CLYBL: variants seen among roughly 807,000 people sequenced by gnomAD.
The protein encoded by CLYBL is citramalyl-CoA lyase, mitochondrial.
Under a neutral mutation model 38.9 loss-of-function variants are expected in CLYBL, and 31 were observed. The observed-to-expected ratio is 0.80, with a 90% CI of 0.60 to 1.08. The LOEUF is 1.08. Among genes scored for constraint, CLYBL ranks in the 50% least tolerant of loss-of-function variants. The pLI, the probability that CLYBL is intolerant of heterozygous loss-of-function variation, is 0.00. For missense variants in CLYBL, 434 were observed against 411.6 expected (o/e 1.05, Z -0.47); for synonymous variants, 171 against 158.6 (o/e 1.08, Z -0.59).
chr13:99,795,164 C>T (rs1196838787), intron 2 of CLYBL, among the ~76,000 whole-genome samples: 1 of 152,132 alleles, frequency 6.6e-6, no homozygotes, highest in Non-Finnish European at 1.5e-5. Flanking sequence ...ACAGCCTGCC[C>T]TTCTACTAAA....
chr13:99,903,937 C>G (rs1259044067), intron 8 of CLYBL, among the ~76,000 whole-genome samples: 1 of 151,998 alleles, frequency 6.6e-6, no homozygotes, highest in African/African-American at 2.4e-5. Flanking sequence ...CCCAGCTACT[C>G]AGGAGGCTGA....
chr13:99,745,375 G>A (rs138406786), intron 1 of CLYBL, among the ~76,000 whole-genome samples: 234 of 152,262 alleles, frequency 1.5e-3, no homozygotes, highest in African/African-American at 5.1e-3. Flanking sequence ...TTCCATAAGA[G>A]TGGGTTTGGC....
In CLYBL at chr13:99,849,832, C is replaced by T. The variant is rs1476917722; in HGVS notation, c.250-9029C>T. The stretch of plus-strand genomic sequence containing the variant: ...GCACCAGCCAGTTGCCAGTCAGGGC[C>T]AGGGCAAGGCAGCCAAGGAGGCAGA... On this transcript the variant is annotated intron_variant, in intron 2 of 8. Transcript: ENST00000339105. The surrounding 1 kb of genome is among the most constrained non-coding windows in gnomAD (Gnocchi z 4.9). Among the ~76,000 whole-genome samples the T allele has an allele frequency of 6.6e-6, 1 of 152,188 alleles. No individual in the cohort carries two copies. The highest frequency in any genetic ancestry group is 2.4e-5 in the African/African-American group (1 of 41,432).
chr13:99,731,458 ACT>A (rs1479736445), intron 1 of CLYBL, among the ~76,000 whole-genome samples: 1 of 151,228 alleles, frequency 6.6e-6, no homozygotes, highest in Non-Finnish European at 1.5e-5. Flanking sequence ...ACATAGCAAG[ACT>A]CTGTCTCTAC....
chr13:99,816,990 A>G (rs1053540545), intron 2 of CLYBL, among the ~76,000 whole-genome samples: 2 of 152,160 alleles, frequency 1.3e-5, no homozygotes, highest in Non-Finnish European at 1.5e-5. Context: ...CCTGACAAAG[A>G]TGCGAATGAC....
At position 99,849,088 on chromosome 13, in the gene CLYBL, G is replaced by A. The variant is rs905626001; in HGVS notation, c.250-9773G>A. ...CAGGAGGTGGAGGCTGCAGTGAGCC[G>A]AGATCGTGCCATTACACTCCAGCCT... is the stretch of plus-strand genomic sequence containing the variant. On this transcript the variant is annotated intron_variant, in intron 2 of 8. Coordinates refer to ENST00000339105, the MANE Select transcript of CLYBL (RefSeq NM_206808.5). The surrounding 1 kb of genome is among the most constrained non-coding windows in gnomAD (Gnocchi z 4.9). Among the ~76,000 whole-genome samples the A allele has an allele frequency of 1.3e-5, 2 of 151,362 alleles. No homozygotes were observed. Among genetic ancestry groups the A allele is most frequent in the African/African-American group, 2.4e-5 (1 of 41,100 alleles).
At chr13:99,906,354 A>G (rs1262382985) in intron 9 of CLYBL, among the ~76,000 whole-genome samples, 2 of 152,194 alleles carry the variant, frequency 1.3e-5, no homozygotes, top group Non-Finnish European at 2.9e-5. Flanking sequence ...CATAAGAATA[A>G]TCAGATATGA....
At position 99,613,222 on chromosome 13, in the gene CLYBL, A is replaced by G. The variant is rs577438058; in HGVS notation, c.62+6465A>G. 1.9e-3 allele frequency among the ~76,000 whole-genome samples: 285 copies of G among 152,228 alleles called. 1 individual carries two copies. The highest frequency in any genetic ancestry group is 3.2e-3 in the Non-Finnish European group (216 of 68,018). On this transcript the variant is annotated intron_variant, in intron 1 of 8. Coordinates refer to ENST00000339105, the MANE Select transcript of CLYBL (RefSeq NM_206808.5). Reference sequence around the variant, plus strand: ...AAAAGAAAAAGGGCTCCCTGGCTGTATGTGTTCAGTGGTAGCAGCCAAGGA... The same window carrying G: ...AAAAGAAAAAGGGCTCCCTGGCTGTGTGTGTTCAGTGGTAGCAGCCAAGGA...
chr13:99,629,872 T>G (rs1426467743), intron 1 of CLYBL, among the ~76,000 whole-genome samples: 3 of 152,194 alleles, frequency 2.0e-5, no homozygotes, highest in Non-Finnish European at 4.4e-5. Flanking sequence ...GTGCTTACCC[T>G]CTTGTGAGGA....
At chr13:99,630,368 C>T (rs2046925986) in intron 1 of CLYBL, among the ~76,000 whole-genome samples, 1 of 152,030 alleles carries the variant, frequency 6.6e-6, no homozygotes, top group Admixed American at 6.5e-5. Flanking sequence ...AGTGGTGTTC[C>T]TGGAGTTGGA....
intron 1 of CLYBL, among the ~76,000 whole-genome samples, chr13:99,681,887 C>T (rs1334333955): frequency 1.3e-5 from 2 of 152,144 alleles, no homozygotes; most frequent in Non-Finnish European, 2.9e-5. Context: ...CTCCCTGCCT[C>T]CTTGCATCTT....
chr13:99,660,547 T>C (rs2047394581), intron 1 of CLYBL, among the ~76,000 whole-genome samples: 1 of 152,224 alleles, frequency 6.6e-6, no homozygotes, highest in South Asian at 2.1e-4. Flanking sequence ...TCCTGTGTTC[T>C]CATATTAACG....
chr13:99,712,369 C>G (rs1352025476), intron 1 of CLYBL, among the ~76,000 whole-genome samples: 4 of 142,314 alleles, frequency 2.8e-5, no homozygotes, highest in African/African-American at 7.9e-5. Context: ...GGGTCTCGCT[C>G]TATAGCGCAG....
chr13:99,843,352 G>A (rs2051128642), intron 2 of CLYBL, among the ~76,000 whole-genome samples: 1 of 152,162 alleles, frequency 6.6e-6, no homozygotes, highest in South Asian at 2.1e-4. Flanking sequence ...TTGCCACCTT[G>A]TCTCAGTCGC....
downstream of CLYBL, among the ~76,000 whole-genome samples, chr13:99,898,015 T>C (rs901417308): frequency 1.3e-5 from 2 of 151,998 alleles, no homozygotes. Context: ...TGGAAGGAAC[T>C]TTAGAGATTC....
At chr13:99,713,338 T>TC (rs2048263324) in intron 1 of CLYBL, among the ~76,000 whole-genome samples, 1 of 146,046 alleles carries the variant, frequency 6.8e-6, no homozygotes, top group African/African-American at 2.5e-5. Flanking sequence ...CTATTTCTTT[T>TC]TTTTTTTTTT....
chr13:99,616,454 A>C (rs1246728102), intron 1 of CLYBL, among the ~76,000 whole-genome samples: 1 of 152,118 alleles, frequency 6.6e-6, no homozygotes, highest in Non-Finnish European at 1.5e-5. Flanking sequence ...GTCTGTTTCC[A>C]GGTTTTCATT....
At chr13:99,886,018 T>G (rs778941218) in intron 7 of CLYBL, among the ~76,000 whole-genome samples, 1 of 152,122 alleles carries the variant, frequency 6.6e-6, no homozygotes, top group Non-Finnish European at 1.5e-5. Flanking sequence ...GTGAGGCCAG[T>G]CATTCATTCA....
chr13:99,758,555 A>C (rs2049107752), intron 1 of CLYBL, among the ~76,000 whole-genome samples: 1 of 152,206 alleles, frequency 6.6e-6, no homozygotes, highest in Non-Finnish European at 1.5e-5. Flanking sequence ...ACTCAAGCAC[A>C]GAACAGATTT....
Sources: gnomAD v4.1 joint callset for allele counts (sites outside exome capture counted in the v4.1 genomes callset) on GRCh38, gnomAD v4.1.1 for gene constraint, Gnocchi (gnomAD v3.1) non-coding constraint, MANE v1.5 for transcripts, NCBI Gene and HGNC (gene_info 2026-07-23, HGNC 2026-07-21) for gene names.